GPATCH1: variants seen among roughly 807,000 people sequenced by gnomAD.
GPATCH1 encodes G patch domain-containing protein 1.
A neutral mutation model predicts 114.9 loss-of-function variants in GPATCH1; 73 were observed. That is an observed-to-expected ratio of 0.64 (90% CI 0.53 to 0.77). The LOEUF (loss-of-function observed/expected upper bound fraction) is 0.77, where lower values mean the gene tolerates loss of function less well. Ranked by LOEUF, GPATCH1 falls within the 30% of genes least tolerant of loss-of-function variation. GPATCH1 has a pLI of 0.00. For missense variants in GPATCH1, 1,058 were observed against 1,144.3 expected (o/e 0.92, Z 1.09); for synonymous variants, 391 against 428.4 (o/e 0.91, Z 1.08).
rs767208042 is a variant in GPATCH1 at position 33,109,890 on chromosome 19, T to G, written c.1459T>G (p.Trp487Gly). Residue 487 changes from tryptophan to glycine, a missense_variant, in exon 11 of 20, where the codon TGG (tryptophan) becomes GGG (glycine). This residue lies in a region of GPATCH1 where 893 missense variants were observed against 977.4 expected (regional missense o/e 0.91). Transcript: ENST00000170564. ...SPAAAAGHCS[W>G]NMALGGGTAT... ...TGCAGCGGCTGCTGGGCACTGCTCT[T>G]GGAACATGGCATTAGGTGGTGGGAC... is the stretch of plus-strand genomic sequence containing the variant. The G allele has an allele frequency of 6.2e-7, 1 of 1,614,142 alleles. No individual in the cohort carries two copies. The highest frequency in any genetic ancestry group is 1.1e-5 in the South Asian group (1 of 91,084).
intron 17 of GPATCH1, among the ~76,000 whole-genome samples, chr19:33,120,055 ATACT>A (rs1310593217): frequency 7.5e-6 from 1 of 132,998 alleles, no homozygotes; most frequent in East Asian, 2.3e-4. Flanking sequence ...TTATATATTT[ATACT>A]TATATATATA....
intron 1 of GPATCH1, 90 bp downstream of exon 1, chr19:33,081,356 T>C (rs578209588): frequency 6.4e-6 from 7 of 1,098,948 alleles, no homozygotes; most frequent in South Asian, 4.1e-5. Flanking sequence ...TGCTGGACCA[T>C]TGTTAGATCG....
chr19:33,115,581 G>GGGTGTC (rs1972908605), intron 15 of GPATCH1, among the ~76,000 whole-genome samples: 1 of 148,306 alleles, frequency 6.7e-6, no homozygotes, highest in African/African-American at 2.5e-5. Context: ...CGCAACCTCT[G>GGGTGTC]CCTCCCGGGT....
intron 1 of GPATCH1, among the ~76,000 whole-genome samples, chr19:33,086,370 G>A (rs556787135): frequency 1.7e-4 from 26 of 152,128 alleles, no homozygotes; most frequent in Admixed American, 1.4e-3. Flanking sequence ...TTTAATCCTC[G>A]TTACCACCCT....
At chr19:33,117,756 A>C in intron 15 of GPATCH1, 69 bp from the exon 16 acceptor site, 1 of 1,075,938 alleles carries the variant, frequency 9.3e-7, no homozygotes, top group Non-Finnish European at 1.4e-6. Flanking sequence ...CTGGGAGTGT[A>C]TTCTAGAATG....
chr19:33,107,231 T>C (rs1255975935), intron 10 of GPATCH1, among the ~76,000 whole-genome samples: 1 of 152,160 alleles, frequency 6.6e-6, no homozygotes, highest in Non-Finnish European at 1.5e-5. Flanking sequence ...TATAGGCATG[T>C]GCCACCACCA....
intron 2 of GPATCH1, among the ~76,000 whole-genome samples, chr19:33,089,609 G>C (rs1023636987): frequency 2.7e-5 from 4 of 146,058 alleles, no homozygotes; most frequent in African/African-American, 1.1e-4. Flanking sequence ...AGATGGGCTA[G>C]ATCTTTTATA....
intron 8 of GPATCH1, among the ~76,000 whole-genome samples, 179 bp downstream of exon 8, chr19:33,098,081 C>T (rs1023800219): frequency 6.6e-6 from 1 of 152,200 alleles, no homozygotes; most frequent in South Asian, 2.1e-4. Flanking sequence ...TCAGACCTGG[C>T]CAAGGCCAAA....
chr19:33,117,988 A>C lies in GPATCH1; in HGVS notation c.2360A>C (p.Asn787Thr). 6.2e-7 allele frequency: 1 copy of C among 1,613,882 alleles called. No homozygotes were observed. Among genetic ancestry groups the C allele is most frequent in the Non-Finnish European group, 8.5e-7 (1 of 1,179,964 alleles). The change falls in exon 16 of 20, where the codon AAC becomes ACC. Residue 787 changes from asparagine to threonine, a missense_variant. Physicochemically the swap from Asn to Thr is moderately conservative, Grantham distance 65 (BLOSUM62 0). Transcript: ENST00000170564. ...GATCAGGCAGGCTCTGGGGAGGCCA[A>C]CTTCCAAAGCTCCCAAGACACTGAC... The part of the protein sequence containing the change: ...EDDQAGSGEA[N>T]FQSSQDTDLG...
At position 33,095,825 on chromosome 19, in the gene GPATCH1, T is replaced by C. The variant is rs756872050; in HGVS notation, c.612+5T>C. 1.4e-5 allele frequency: 22 copies of C among 1,596,560 alleles called. No individual in the cohort carries two copies. The Admixed American group carries it at 2.5e-4, about 18-fold the overall frequency. On this transcript the variant is annotated splice_donor_5th_base_variant and intron_variant, in intron 6 of 19. Transcript: ENST00000170564. The stretch of plus-strand genomic sequence containing the variant: ...GGAAGCTCGGAAGGATCTGAGGTAT[T>C]GCATGGTGTGACTGACCTTCACTTT...
At chr19:33,106,502 C>G (rs74747176) in intron 9 of GPATCH1, among the ~76,000 whole-genome samples, 193 bp from the exon 10 acceptor site, 6 of 152,088 alleles carry the variant, frequency 3.9e-5, no homozygotes, top group Non-Finnish European at 7.4e-5. Flanking sequence ...AACACGGTGG[C>G]TCTTGTGACC....
rs747343521 is a variant in GPATCH1, at chr19:33,126,659, C to T, written c.2691C>T (p.Ser897=). The T allele has an allele frequency of 7.4e-6, 12 of 1,613,894 alleles. No individual in the cohort carries two copies. Among genetic ancestry groups the T allele is most frequent in the South Asian group, 2.2e-5 (2 of 91,066 alleles). The part of the protein sequence containing the change: ...KNKKPEKSSS[S]ESSDSSDSQS... ...AAAAACCAGAGAAAAGTAGTAGCTC[C>T]GAGAGTTCCGACAGCAGCGACAGCC... Residue 897 remains serine (S), a synonymous_variant, in exon 19 of 20, where the codon TCC becomes TCT. Transcript: ENST00000170564.
chr19:33,089,534 A>G (rs1169214994), intron 2 of GPATCH1, among the ~76,000 whole-genome samples: 1 of 152,198 alleles, frequency 6.6e-6, no homozygotes, highest in Non-Finnish European at 1.5e-5. Context: ...TGATTTTATT[A>G]TATGTGCTGC....
chr19:33,112,020 C>T, intron 12 of GPATCH1, 118 bp downstream of exon 12: 1 of 733,392 alleles, frequency 1.4e-6, no homozygotes. Flanking sequence ...GGCTAGAGTG[C>T]AGTGGTGTGA....
rs759863017 is a variant in GPATCH1 at position 33,125,197 on chromosome 19, GAGA to G, written c.2617_2619del (p.Lys876del). On this transcript the variant is annotated inframe_deletion and splice_region_variant, in exon 18 of 20. Coordinates refer to ENST00000170564, the MANE Select transcript of GPATCH1 (RefSeq NM_018025.3). ...CAAGAAAGAGCACAGGCGGAAGAAA[GAGA>G]AGGTGAGAGACTTGTGTGTACCCCA... 23 of 1,589,374 alleles carry G rather than the reference GAGA, an allele frequency of 1.4e-5. No homozygotes were observed. Among genetic ancestry groups the G allele is most frequent in the Admixed American group, 3.6e-5 (2 of 56,242 alleles).
chr19:33,095,877 A>G, intron 6 of GPATCH1, 57 bp downstream of exon 6: 1 of 1,261,182 alleles, frequency 7.9e-7, no homozygotes, highest in South Asian at 1.2e-5. Flanking sequence ...TTTCTGTATG[A>G]CTGTGAAATT....
rs990910540 is a variant in GPATCH1 at position 33,118,025 on chromosome 19, A to G, written c.2397A>G (p.Thr799=). 10 of 1,612,858 alleles carry G rather than the reference A, an allele frequency of 6.2e-6. 1 individual carries two copies. The Admixed American group carries it at 1.3e-4, about 22-fold the overall frequency. ...QSSQDTDLGE[T]SSVAHALVPA... is the part of the protein sequence containing the mutation. ...CCCAAGACACTGACTTGGGGGAAAC[A>G]TCATCTGTGGCTCACGGTATGTCAG... The change falls in exon 16 of 20, where the codon ACA becomes ACG. Residue 799 remains threonine (T), a synonymous_variant. Transcript: ENST00000170564.
rs747430315 is a variant in GPATCH1, at chr19:33,093,383, C to T, written c.319C>T (p.Pro107Ser). 1.9e-6 allele frequency: 3 copies of T among 1,612,764 alleles called. No homozygotes were observed. Among genetic ancestry groups the T allele is most frequent in the Non-Finnish European group, 2.5e-6 (3 of 1,179,172 alleles). Residue 107 changes from proline (P) to serine (S), a missense_variant, in exon 4 of 20, where the codon CCT (proline) becomes TCT (serine). By Grantham distance (74) the Pro-to-Ser change is moderately conservative. Transcript: ENST00000170564. ...GGATCTTAGTGAATTTGGGATAGCA[C>T]CTAAAGCGATTGTCACCACAGACGA... Reference protein sequence around the residue: ...EEDLSEFGIAPKAIVTTDDFA... With the variant: ...EEDLSEFGIASKAIVTTDDFA...
intron 18 of GPATCH1, 133 bp downstream of exon 18, chr19:33,125,335 A>T: frequency 1.0e-6 from 1 of 970,818 alleles, no homozygotes. Context: ...CTTAACAGAA[A>T]TGTTGACATT....
Sources: gnomAD v4.1 joint callset for allele counts (sites outside exome capture counted in the v4.1 genomes callset) on GRCh38, gnomAD v4.1.1 for gene constraint, gnomAD v4.1.1 regional missense constraint, MANE v1.5 for transcripts, NCBI Gene and HGNC (gene_info 2026-07-23, HGNC 2026-07-21) for gene names.